Variants in CPNE4 observed in about 807,000 individuals in gnomAD.
CPNE4 encodes the protein copine 4, also known as copine-4.
Under a neutral mutation model 67.9 loss-of-function variants are expected in CPNE4, and 25 were observed. That is an observed-to-expected ratio of 0.37 (90% CI 0.27 to 0.51). CPNE4 has a LOEUF of 0.51. Among genes scored for constraint, CPNE4 ranks in the 20% least tolerant of loss-of-function variants. CPNE4 has a pLI of 0.93. For synonymous variants in CPNE4, 242 were observed against 244.9 expected (o/e 0.99, Z 0.11); for missense variants, 464 against 690.8 (o/e 0.67, Z 3.68).
intron 2 of CPNE4, among the ~76,000 whole-genome samples, chr3:131,899,418 G>A (rs1187721770): frequency 6.6e-6 from 1 of 152,140 alleles, no homozygotes; most frequent in Non-Finnish European, 1.5e-5. Flanking sequence ...TTTGAGTTAC[G>A]GCAATTACTA....
intron 1 of CPNE4, among the ~76,000 whole-genome samples, chr3:131,999,945 T>G (rs1251067291): frequency 6.6e-6 from 1 of 152,014 alleles, no homozygotes; most frequent in Admixed American, 6.6e-5. Flanking sequence ...TGGTTTCTAG[T>G]TAATTAAATG....
At chr3:131,918,398 G>A (rs1396915738) in intron 1 of CPNE4, among the ~76,000 whole-genome samples, 1 of 152,156 alleles carries the variant, frequency 6.6e-6, no homozygotes, top group Non-Finnish European at 1.5e-5. Context: ...GGTACTGGCA[G>A]ATACAAAGAT....
At chr3:131,984,002 G>A (rs898910845) in intron 1 of CPNE4, among the ~76,000 whole-genome samples, 5 of 152,122 alleles carry the variant, frequency 3.3e-5, no homozygotes, top group African/African-American at 4.8e-5. Context: ...AAAGCAACCA[G>A]AAGCATTTTG....
In CPNE4 at chr3:131,875,793, C is replaced by T. The variant is rs987343012; in HGVS notation, c.180+29471G>A. Among the ~76,000 whole-genome samples the T allele has an allele frequency of 2.6e-5, 4 of 152,012 alleles. No homozygotes were observed. The East Asian group carries it at 7.8e-4, about 29-fold the overall frequency. On this transcript the variant is annotated intron_variant, in intron 2 of 15. Transcript: ENST00000429747. Reference sequence around the variant, plus strand: ...GGCACATGTATACATATGTAACAAACCTGCATGTTGTGCACATGTACCCTA... The same window carrying T: ...GGCACATGTATACATATGTAACAAATCTGCATGTTGTGCACATGTACCCTA...
chr3:131,678,865 A>C (rs2080655507), intron 6 of CPNE4, among the ~76,000 whole-genome samples: 1 of 152,200 alleles, frequency 6.6e-6, no homozygotes, highest in Admixed American at 6.5e-5. Flanking sequence ...ATCAGTGTTC[A>C]TCAAGGATAT....
At chr3:131,694,862 T>A (rs1296805066) in intron 5 of CPNE4, among the ~76,000 whole-genome samples, 1 of 152,206 alleles carries the variant, frequency 6.6e-6, no homozygotes, top group Non-Finnish European at 1.5e-5. Flanking sequence ...ACTGCCCAAC[T>A]GAACCCTGAT....
intron 10 of CPNE4, among the ~76,000 whole-genome samples, chr3:131,573,164 C>T (rs985881433): frequency 6.6e-6 from 1 of 152,068 alleles, no homozygotes; most frequent in Non-Finnish European, 1.5e-5. Context: ...TGAAACCCTA[C>T]AGGAGGAAGG....
chr3:131,761,209 ACT>A (rs1491181870), intron 2 of CPNE4, among the ~76,000 whole-genome samples: 16 of 84,900 alleles, frequency 1.9e-4, no homozygotes, highest in South Asian at 5.3e-4. Context: ...CTCACTTCGT[ACT>A]TTTTTTTTTT....
intron 1 of CPNE4, among the ~76,000 whole-genome samples, chr3:131,941,366 C>A (rs1265996766): frequency 6.6e-6 from 1 of 151,990 alleles, no homozygotes; most frequent in African/African-American, 2.4e-5. Context: ...TTTAATTATG[C>A]CTTAATGTTA....
At chr3:131,844,533 G>T (rs542769551) in intron 2 of CPNE4, among the ~76,000 whole-genome samples, 14 of 152,194 alleles carry the variant, frequency 9.2e-5, no homozygotes, top group South Asian at 6.2e-4. Flanking sequence ...CTCCCAAAAT[G>T]CTCAGTCACC....
intron 2 of CPNE4, among the ~76,000 whole-genome samples, chr3:131,902,835 G>T (rs912507819): frequency 6.6e-6 from 1 of 152,012 alleles, no homozygotes; most frequent in South Asian, 2.1e-4. Flanking sequence ...AAAAAATAAT[G>T]AGACTAACAA....
At chr3:131,896,941 A>C (rs2088361750) in intron 2 of CPNE4, among the ~76,000 whole-genome samples, 1 of 152,082 alleles carries the variant, frequency 6.6e-6, no homozygotes, top group Non-Finnish European at 1.5e-5. Flanking sequence ...GGAATGATTA[A>C]GAGTTTGGTT....
At chr3:131,812,252 A>C (rs2084562872) in intron 2 of CPNE4, among the ~76,000 whole-genome samples, 2 of 152,128 alleles carry the variant, frequency 1.3e-5, no homozygotes, top group Admixed American at 1.3e-4. Flanking sequence ...CATTTACATA[A>C]AAACAACTCT....
At chr3:131,717,881 T>C (rs780202846) in intron 3 of CPNE4, among the ~76,000 whole-genome samples, 6,979 of 35,854 alleles carry the variant, frequency 0.19, 739 homozygotes, top group East Asian at 0.34. Context: ...TTCTTTTCTT[T>C]CTTTCTTTCT....
intron 7 of CPNE4, among the ~76,000 whole-genome samples, chr3:131,662,805 G>A (rs28495140): frequency 0.099 from 15,033 of 151,984 alleles, 790 homozygotes; most frequent in African/African-American, 0.11. Flanking sequence ...TTAAAAAGTC[G>A]GGAAACAACA....
chr3:131,823,895 G>A (rs982520909), intron 2 of CPNE4, among the ~76,000 whole-genome samples: 3 of 152,108 alleles, frequency 2.0e-5, no homozygotes, highest in Admixed American at 1.3e-4. Flanking sequence ...TAAGATTTGG[G>A]TACAACCAAT....
At chr3:131,873,304 T>C (rs1401728089) in intron 2 of CPNE4, among the ~76,000 whole-genome samples, 2 of 152,216 alleles carry the variant, frequency 1.3e-5, no homozygotes, top group Non-Finnish European at 1.5e-5. Flanking sequence ...AAATTATCTC[T>C]CTTAAAATAA....
At chr3:131,997,454 C>A (rs1347679765) in intron 1 of CPNE4, among the ~76,000 whole-genome samples, 2 of 152,118 alleles carry the variant, frequency 1.3e-5, no homozygotes, top group African/African-American at 4.8e-5. Context: ...AGTCCTGGCT[C>A]TGCTATCTGG....
At chr3:131,656,830 C>T (rs1324618502) in intron 7 of CPNE4, among the ~76,000 whole-genome samples, 2 of 152,128 alleles carry the variant, frequency 1.3e-5, no homozygotes, top group Non-Finnish European at 2.9e-5. Context: ...AGTCTGAGTG[C>T]TTCAGTTTTG....
Sources: gnomAD v4.1 joint callset for allele counts (sites outside exome capture counted in the v4.1 genomes callset) on GRCh38, gnomAD v4.1.1 for gene constraint, MANE v1.5 for transcripts, NCBI Gene and HGNC (gene_info 2026-07-23, HGNC 2026-07-21) for gene names.